Variants in CDH12 observed in about 807,000 individuals in gnomAD.
The protein encoded by CDH12 is cadherin 12.
In CDH12, 41 loss-of-function variants were observed where a neutral mutation model predicts 74.1. The ratio of observed to expected loss-of-function variants is 0.55; its 90% CI spans 0.43 to 0.72. CDH12 has a LOEUF of 0.72. Ranked by LOEUF, CDH12 falls within the 30% of genes least tolerant of loss-of-function variation. The pLI, the probability that CDH12 is intolerant of heterozygous loss-of-function variation, is 0.00. For missense variants in CDH12, 945 were observed against 977.2 expected, an observed-to-expected ratio of 0.97 and a Z score of 0.44; for synonymous variants, 399 against 355.0, an observed-to-expected ratio of 1.12 and a Z score of -1.39.
intron 3 of CDH12, among the ~76,000 whole-genome samples, chr5:22,355,642 T>A (rs1211132025): frequency 2.0e-5 from 3 of 152,022 alleles, no homozygotes; most frequent in Non-Finnish European, 4.4e-5. Context: ...CTTAAAAAGC[T>A]GTGCTAAGGA....
chr5:22,185,048 T>G (rs1182213123), intron 4 of CDH12, among the ~76,000 whole-genome samples: 3 of 152,032 alleles, frequency 2.0e-5, no homozygotes, highest in African/African-American at 7.2e-5. Context: ...TGTTCCTCTC[T>G]ATCCGTCCAT....
At chr5:22,597,543 C>T (rs558778786) in intron 1 of CDH12, among the ~76,000 whole-genome samples, 1 of 152,260 alleles carries the variant, frequency 6.6e-6, no homozygotes, top group Non-Finnish European at 1.5e-5. Flanking sequence ...CCTCATTATT[C>T]ATACCTCAAC....
chr5:21,775,714 C>T (rs1449811889), intron 11 of CDH12, among the ~76,000 whole-genome samples: 2 of 151,904 alleles, frequency 1.3e-5, no homozygotes, highest in African/African-American at 4.8e-5. Flanking sequence ...TTTAGGTCTT[C>T]AAAGTAATTT....
intron 6 of CDH12, among the ~76,000 whole-genome samples, chr5:21,936,716 T>C (rs1755088784): frequency 6.6e-6 from 1 of 152,128 alleles, no homozygotes; most frequent in African/African-American, 2.4e-5. Context: ...CGAATTGTAA[T>C]CCCCATGTGT....
chr5:22,442,338 C>A (rs1744659860), intron 2 of CDH12, among the ~76,000 whole-genome samples: 1 of 152,066 alleles, frequency 6.6e-6, no homozygotes. Context: ...GAGTCAATAG[C>A]TGTATTTAAA....
chr5:22,231,943 A>C (rs1369972087), intron 3 of CDH12, among the ~76,000 whole-genome samples: 1 of 151,968 alleles, frequency 6.6e-6, no homozygotes, highest in Non-Finnish European at 1.5e-5. Flanking sequence ...CATTTCTTGG[A>C]GAAGAAAGAG....
At chr5:22,656,484 T>C (rs1171901522) in intron 1 of CDH12, among the ~76,000 whole-genome samples, 1 of 152,188 alleles carries the variant, frequency 6.6e-6, no homozygotes, top group East Asian at 1.9e-4. Context: ...TGTATGAGCA[T>C]AGACATAGTG....
chr5:22,780,794 A>G (rs1165905003), intron 1 of CDH12, among the ~76,000 whole-genome samples: 3 of 152,124 alleles, frequency 2.0e-5, no homozygotes, highest in Non-Finnish European at 4.4e-5. Context: ...TTTAAGTGTG[A>G]TCTATAGACA....
chr5:22,445,169 T>C (rs1364946999), intron 2 of CDH12, among the ~76,000 whole-genome samples: 1 of 152,038 alleles, frequency 6.6e-6, no homozygotes, highest in Non-Finnish European at 1.5e-5. Flanking sequence ...TGAAACCAAT[T>C]TATAGGAAAC....
intron 3 of CDH12, among the ~76,000 whole-genome samples, chr5:22,216,588 T>C (rs534360327): frequency 6.6e-6 from 1 of 151,886 alleles, no homozygotes; most frequent in African/African-American, 2.4e-5. Flanking sequence ...AGCAGCAGCA[T>C]CAAGCTAATA....
At chr5:22,031,105 C>G (rs371098821) in intron 5 of CDH12, among the ~76,000 whole-genome samples, 1 of 151,970 alleles carries the variant, frequency 6.6e-6, no homozygotes, top group Non-Finnish European at 1.5e-5. Context: ...GAGGCCAAGG[C>G]GGGTGGATCA....
chr5:22,690,080 A>G (rs2126941823), intron 1 of CDH12, among the ~76,000 whole-genome samples: 1 of 152,218 alleles, frequency 6.6e-6, no homozygotes, highest in East Asian at 1.9e-4. Context: ...TAAAAATTGC[A>G]TGTGACTTGA....
chr5:21,783,399 C>T lies in CDH12; in HGVS notation c.1352G>A (p.Ser451Asn). The change falls in exon 11 of 15, where the codon AGC becomes AAC. Residue 451 changes from serine (S) to asparagine (N), a missense_variant. Physicochemically the swap from Ser to Asn is conservative, Grantham distance 46. Around this residue, in one of 3 missense-constraint regions of CDH12, gnomAD observed 791 missense variants for 792.8 expected, o/e 1.00. Coordinates refer to ENST00000382254, the MANE Select transcript of CDH12 (RefSeq NM_004061.5). Reference sequence around the variant, plus strand: ...TATGGAGAAATTATACTGCGCAGTGCTTTCTCTGTCTAGTAATTCATTAGT... The same window carrying T: ...TATGGAGAAATTATACTGCGCAGTGTTTTCTCTGTCTAGTAATTCATTAGT... ...IATNELLDRE[S>N]TAQYNFSIIA... 1 of 1,612,804 alleles carries T rather than the reference C, an allele frequency of 6.2e-7. No individual in the cohort carries two copies. Among genetic ancestry groups the T allele is most frequent in the Non-Finnish European group, 8.5e-7 (1 of 1,178,904 alleles).
chr5:21,775,308 G>A (rs1745527933), intron 11 of CDH12, among the ~76,000 whole-genome samples: 1 of 152,196 alleles, frequency 6.6e-6, no homozygotes, highest in Non-Finnish European at 1.5e-5. Context: ...AAGCCAATCA[G>A]TGCTTGTTCA....
intron 2 of CDH12, among the ~76,000 whole-genome samples, chr5:22,490,030 T>C (rs1252846768): frequency 6.6e-6 from 1 of 152,148 alleles, no homozygotes; most frequent in Non-Finnish European, 1.5e-5. Context: ...TTTAATAGTG[T>C]TTGAGTTTGC....
intron 1 of CDH12, among the ~76,000 whole-genome samples, chr5:22,752,442 C>CT (rs1745626066): frequency 1.3e-5 from 2 of 149,360 alleles, no homozygotes; most frequent in African/African-American, 5.0e-5. Context: ...TAGTGGAACT[C>CT]TACACCAGAA....
intron 1 of CDH12, among the ~76,000 whole-genome samples, chr5:22,768,295 A>T (rs1308250877): frequency 2.0e-5 from 3 of 152,098 alleles, no homozygotes; most frequent in Non-Finnish European, 2.9e-5. Context: ...TGGAAACTAA[A>T]TATGTGTTAT....
intron 8 of CDH12, among the ~76,000 whole-genome samples, chr5:21,830,925 G>A (rs1748982124): frequency 6.6e-6 from 1 of 152,026 alleles, no homozygotes; most frequent in Admixed American, 6.6e-5. Flanking sequence ...TGTAATCCCA[G>A]CTACTCGGGA....
intron 1 of CDH12, among the ~76,000 whole-genome samples, chr5:22,689,339 C>G (rs139281151): frequency 2.0e-4 from 31 of 152,230 alleles, no homozygotes; most frequent in Middle Eastern, 3.4e-3. Flanking sequence ...ACAGTAGAAA[C>G]GTGTATGCCA....
Sources: gnomAD v4.1 joint callset for allele counts (sites outside exome capture counted in the v4.1 genomes callset) on GRCh38, gnomAD v4.1.1 for gene constraint, gnomAD v4.1.1 regional missense constraint, MANE v1.5 for transcripts, NCBI Gene and HGNC (gene_info 2026-07-23, HGNC 2026-07-21) for gene names.